RRAGB: variants seen among roughly 807,000 people sequenced by gnomAD.
RRAGB encodes the protein ras-related GTP-binding protein B.
In RRAGB, 6 loss-of-function variants were observed where a neutral mutation model predicts 29.3. The ratio of observed to expected loss-of-function variants is 0.21; its 90% CI spans 0.11 to 0.40. The LOEUF is 0.40. RRAGB is among the 10% of genes least tolerant of loss of function. The pLI is 1.00. For synonymous variants in RRAGB, 101 were observed against 92.5 expected, an observed-to-expected ratio of 1.09 and a Z score of -0.53; for missense variants, 184 against 272.9, an observed-to-expected ratio of 0.67 and a Z score of 2.29.
intron 2 of RRAGB, 151 bp downstream of exon 2, chrX:55,719,498 G>T (rs1229199042): frequency 1.0e-5 from 4 of 384,053 alleles, no homozygotes; most frequent in Non-Finnish European, 1.7e-5. Context: ...TATGCTATCA[G>T]ATTTAATTTT....
intron 5 of RRAGB, among the ~76,000 whole-genome samples, chrX:55,749,010 G>A (rs1355708767): frequency 7.1e-5 from 7 of 97,929 alleles, no homozygotes; most frequent in African/African-American, 2.6e-4. Context: ...GGAGGGAGGT[G>A]GGGGGGTCAG....
chrX:55,723,946 G>T (rs2033385487), intron 3 of RRAGB, among the ~76,000 whole-genome samples: 1 of 111,857 alleles, frequency 8.9e-6, no homozygotes, highest in Non-Finnish European at 1.9e-5. Context: ...AAACATTTTT[G>T]GGGACTTGTT....
chrX:55,727,225 T>C lies in RRAGB; in HGVS notation c.227-2069T>C, dbSNP rs186577735. 1.8e-3 allele frequency: 1,765 copies of C among 968,042 alleles called. 2 individuals are homozygous for C. The highest frequency in any genetic ancestry group is 2.8e-3 in the South Asian group (105 of 37,649). The allele number at this position is 968,042 out of a possible 1,213,427, so 79.8% of individuals were successfully genotyped here. ...TGATTTCTATCCCATGTGCCCCATG[T>C]CTAAACAGTCACTGACTCCTGTCAC... On this transcript the variant is annotated intron_variant, in intron 3 of 9. Coordinates refer to ENST00000374941, the MANE Select transcript of RRAGB (RefSeq NM_006064.5).
chrX:55,723,447 CTT>C (rs75512271), intron 3 of RRAGB, among the ~76,000 whole-genome samples: 3 of 99,640 alleles, frequency 3.0e-5, no homozygotes, highest in Admixed American at 1.1e-4. Context: ...TGGCCTATTT[CTT>C]TTTTTTTTTT....
At chrX:55,750,871 G>A (rs1029822475) in intron 5 of RRAGB, among the ~76,000 whole-genome samples, 5 of 111,841 alleles carry the variant, frequency 4.5e-5, no homozygotes, top group African/African-American at 1.3e-4. Context: ...CATAGTGCTC[G>A]TAGTGAGTAT....
chrX:55,749,330 A>T (rs1342377573), intron 5 of RRAGB, among the ~76,000 whole-genome samples: 13 of 74,188 alleles, frequency 1.8e-4, no homozygotes, highest in Non-Finnish European at 2.1e-4. Context: ...GTCAGTCCCC[A>T]GCCCGGCCAG....
At chrX:55,727,461 T>A in intron 3 of RRAGB, 1 of 516,104 alleles carries the variant, frequency 1.9e-6, no homozygotes, top group Non-Finnish European at 3.5e-6. Flanking sequence ...GCACCTACTA[T>A]GTGCCAGGCA....
At chrX:55,730,870 G>T (rs1282886397) in intron 4 of RRAGB, among the ~76,000 whole-genome samples, 1 of 110,916 alleles carries the variant, frequency 9.0e-6, no homozygotes, top group African/African-American at 3.3e-5. Flanking sequence ...CCTATGCTTA[G>T]TGGATTGACC....
rs765179529 is a variant in RRAGB, at chrX:55,755,871, C to T, written c.766C>T (p.Arg256Cys). Residue 256 changes from arginine (R) to cysteine (C), a missense_variant, in exon 8 of 10, where the codon CGT becomes TGT. Arg to Cys is a radical substitution (Grantham distance 180, BLOSUM62 -3). Coordinates refer to ENST00000374941, the MANE Select transcript of RRAGB (RefSeq NM_006064.5). ...VISHYQCKEQ[R>C]DAHRFEKISN... ...TTCTCACTATCAGTGTAAAGAGCAGCGTGATGCCCATAGATTTGAGAAAAT... is the reference window on the plus strand; with the variant it reads ...TTCTCACTATCAGTGTAAAGAGCAGTGTGATGCCCATAGATTTGAGAAAAT... The T allele has an allele frequency of 1.7e-6, 2 of 1,206,382 alleles. No homozygotes were observed. The highest frequency in any genetic ancestry group is 2.2e-6 in the Non-Finnish European group (2 of 891,570).
intron 5 of RRAGB, among the ~76,000 whole-genome samples, chrX:55,748,009 A>C (rs750994266): frequency 4.4e-5 from 5 of 112,435 alleles, no homozygotes; most frequent in Admixed American, 3.7e-4. Flanking sequence ...CTGCCATTGC[A>C]GGCGGGCGCC....
At chrX:55,722,733 G>A (rs750116668) in intron 3 of RRAGB, among the ~76,000 whole-genome samples, 1 of 112,044 alleles carries the variant, frequency 8.9e-6, no homozygotes, top group Non-Finnish European at 1.9e-5. Context: ...AACTTGATCT[G>A]TACTCTGCTA....
chrX:55,747,625 T>G (rs1192816317), intron 5 of RRAGB, among the ~76,000 whole-genome samples: 1 of 111,825 alleles, frequency 8.9e-6, no homozygotes, highest in Non-Finnish European at 1.9e-5. Flanking sequence ...GTACCTTGCC[T>G]CTTAAAAGTA....
chrX:55,738,727 T>C (rs1217140242), intron 5 of RRAGB, among the ~76,000 whole-genome samples: 1 of 111,727 alleles, frequency 9.0e-6, no homozygotes, highest in Non-Finnish European at 1.9e-5. Flanking sequence ...AGACAGCCAG[T>C]TGTGATGGTG....
intron 5 of RRAGB, among the ~76,000 whole-genome samples, chrX:55,741,820 T>TG (rs774860827): frequency 2.3e-3 from 264 of 112,430 alleles, no homozygotes; most frequent in African/African-American, 8.0e-3. Context: ...CAGTGATATC[T>TG]GGACTGCTGT....
At chrX:55,721,007 A>G (rs1480974423) in intron 2 of RRAGB, among the ~76,000 whole-genome samples, 3 of 112,555 alleles carry the variant, frequency 2.7e-5, no homozygotes, top group Non-Finnish European at 5.6e-5. Flanking sequence ...ACGAGAGTAT[A>G]GAACATCATT....
At chrX:55,750,525 A>T (rs758132397) in intron 5 of RRAGB, among the ~76,000 whole-genome samples, 12 of 111,698 alleles carry the variant, frequency 1.1e-4, no homozygotes, top group Non-Finnish European at 2.1e-4. Context: ...AACTAAAAAA[A>T]TGCCTTTGCA....
intron 2 of RRAGB, among the ~76,000 whole-genome samples, chrX:55,720,808 G>A (rs1473762): frequency 0.33 from 36,033 of 110,117 alleles, 4,665 homozygotes; most frequent in Middle Eastern, 0.47. Context: ...AACCCGGGAG[G>A]CGGAGGTTGC....
rs2033624111 is a variant in RRAGB at position 55,730,031 on chromosome X, T to G, written c.293+671T>G. ...TCATTTAAACTCTCTGAGCCACAGT[T>G]TCTTCATCTGTACAGTAGTGAAGGC... On this transcript the variant is annotated intron_variant, in intron 4 of 9. Coordinates refer to ENST00000374941, the MANE Select transcript of RRAGB (RefSeq NM_006064.5). Among the ~76,000 whole-genome samples, 3 of 112,009 alleles carry G rather than the reference T, an allele frequency of 2.7e-5. No individual in the cohort carries two copies. In the Admixed American group the frequency reaches 2.8e-4, roughly 11 times the overall value.
At chrX:55,720,268 A>G (rs748546486) in intron 2 of RRAGB, among the ~76,000 whole-genome samples, 1 of 112,238 alleles carries the variant, frequency 8.9e-6, no homozygotes, top group Admixed American at 9.4e-5. Flanking sequence ...ATCATTCTGC[A>G]TTGTATACAT....
Sources: allele counts gnomAD v4.1 joint callset (sites outside exome capture counted in the v4.1 genomes callset), GRCh38; gene constraint gnomAD v4.1.1; transcripts MANE v1.5; gene names NCBI Gene and HGNC (gene_info 2026-07-23, HGNC 2026-07-21).